Variants in CCDC60 observed in about 807,000 individuals in gnomAD.
CCDC60 encodes coiled-coil domain-containing protein 60.
A neutral mutation model predicts 63.5 loss-of-function variants in CCDC60; 54 were observed. The observed-to-expected ratio is 0.85, with a 90% CI of 0.68 to 1.07. The LOEUF is 1.07. CCDC60 is among the 50% of genes least tolerant of loss of function. The probability of loss-of-function intolerance (pLI) is 0.00; values close to 1 mark genes in which losing one functional copy is unlikely to be tolerated. For synonymous variants in CCDC60, 206 were observed against 238.8 expected, an observed-to-expected ratio of 0.86 and a Z score of 1.27; for missense variants, 651 against 684.3, an observed-to-expected ratio of 0.95 and a Z score of 0.54.
chr12:119,505,363 C>A (rs1951969919), intron 7 of CCDC60, 60 bp downstream of exon 7: 1 of 1,141,084 alleles, frequency 8.8e-7, no homozygotes. Flanking sequence ...AGCCAGACAT[C>A]AAGAAACCCT....
At chr12:119,386,925 C>T (rs572012881) in intron 1 of CCDC60, among the ~76,000 whole-genome samples, 1 of 152,090 alleles carries the variant, frequency 6.6e-6, no homozygotes, top group Admixed American at 6.6e-5. Flanking sequence ...GTGGATATTT[C>T]TATGGAGAAT....
intron 1 of CCDC60, among the ~76,000 whole-genome samples, chr12:119,367,617 G>T (rs1411836371): frequency 6.6e-6 from 1 of 152,150 alleles, no homozygotes; most frequent in East Asian, 1.9e-4. Context: ...TGACAGCTCT[G>T]CCCAAAAGTC....
At chr12:119,425,359 A>G (rs1956881919) in intron 1 of CCDC60, among the ~76,000 whole-genome samples, 2 of 152,224 alleles carry the variant, frequency 1.3e-5, no homozygotes, top group Non-Finnish European at 2.9e-5. Context: ...AAAATACACC[A>G]GAATGGGGGT....
intron 2 of CCDC60, among the ~76,000 whole-genome samples, chr12:119,430,228 G>A (rs1950204445): frequency 6.6e-6 from 1 of 151,528 alleles, no homozygotes; most frequent in Non-Finnish European, 1.5e-5. Flanking sequence ...ATATTAATAT[G>A]TTGAAACCCT....
intron 1 of CCDC60, among the ~76,000 whole-genome samples, chr12:119,339,896 T>C (rs1274792797): frequency 6.6e-6 from 1 of 152,150 alleles, no homozygotes; most frequent in African/African-American, 2.4e-5. Context: ...TCTCAGTAAA[T>C]CAACCAACCA....
intron 4 of CCDC60, among the ~76,000 whole-genome samples, chr12:119,482,987 AC>A (rs1363425249): frequency 7.9e-5 from 12 of 152,094 alleles, no homozygotes; most frequent in Non-Finnish European, 5.9e-5. Context: ...GATCCTAAGT[AC>A]CCAAAGCCCC....
At chr12:119,428,821 G>T in intron 2 of CCDC60, 59 bp downstream of exon 2, 1 of 1,146,220 alleles carries the variant, frequency 8.7e-7, no homozygotes, top group Non-Finnish European at 1.3e-6. Context: ...AGCAGGCTAT[G>T]GGGTGTTGCC....
At chr12:119,350,800 CATGAT>C (rs1326190390) in intron 1 of CCDC60, among the ~76,000 whole-genome samples, 1 of 152,204 alleles carries the variant, frequency 6.6e-6, no homozygotes, top group Non-Finnish European at 1.5e-5. Flanking sequence ...CATTCAGACT[CATGAT>C]ATTGGGGTGT....
At chr12:119,470,332 T>C (rs1951032329) in intron 2 of CCDC60, among the ~76,000 whole-genome samples, 1 of 152,046 alleles carries the variant, frequency 6.6e-6, no homozygotes, top group African/African-American at 2.4e-5. Context: ...CCTTGGGGGG[T>C]AAATGTTTTA....
chr12:119,501,197 T>C (rs894268051), intron 6 of CCDC60, among the ~76,000 whole-genome samples: 4 of 152,206 alleles, frequency 2.6e-5, no homozygotes, highest in Non-Finnish European at 5.9e-5. Context: ...CAAACACACT[T>C]TGAAAATGTG....
chr12:119,363,524 A>G (rs746253390), intron 1 of CCDC60, among the ~76,000 whole-genome samples: 18 of 152,160 alleles, frequency 1.2e-4, no homozygotes, highest in African/African-American at 2.4e-5. Flanking sequence ...AGTCAAATTT[A>G]TCCATTCTTT....
At chr12:119,497,323 T>C (rs1951735755) in intron 5 of CCDC60, among the ~76,000 whole-genome samples, 1 of 152,212 alleles carries the variant, frequency 6.6e-6, no homozygotes, top group South Asian at 2.1e-4. Context: ...TAGGTGGTTT[T>C]ATTTTTTTCT....
At chr12:119,452,851 C>T (rs1489111780) in intron 2 of CCDC60, among the ~76,000 whole-genome samples, 1 of 151,970 alleles carries the variant, frequency 6.6e-6, no homozygotes, top group Non-Finnish European at 1.5e-5. Flanking sequence ...TAGATGGACC[C>T]TCACTCTGTC....
intron 2 of CCDC60, among the ~76,000 whole-genome samples, chr12:119,443,484 C>T (rs934936767): frequency 1.3e-5 from 2 of 152,272 alleles, no homozygotes; most frequent in Non-Finnish European, 2.9e-5. Flanking sequence ...GGATGCTAGA[C>T]GGGAAATGGC....
intron 11 of CCDC60, among the ~76,000 whole-genome samples, chr12:119,524,707 T>G (rs1040735257): frequency 7.4e-6 from 1 of 135,166 alleles, no homozygotes; most frequent in East Asian, 2.1e-4. Context: ...CAGCAGTTTC[T>G]TTTCTTTTCT....
intron 2 of CCDC60, among the ~76,000 whole-genome samples, chr12:119,467,389 A>G (rs1048639936): frequency 6.6e-6 from 1 of 152,104 alleles, no homozygotes; most frequent in African/African-American, 2.4e-5. Flanking sequence ...ATCCTTACCC[A>G]CCTCCCAATA....
chr12:119,355,835 T>C (rs558736960), intron 1 of CCDC60, among the ~76,000 whole-genome samples: 1 of 152,332 alleles, frequency 6.6e-6, no homozygotes, highest in Admixed American at 6.5e-5. Context: ...GTTGTCGGGT[T>C]GTTGCCATGG....
chr12:119,517,712 T>C (rs886251726), intron 8 of CCDC60, among the ~76,000 whole-genome samples: 1 of 152,164 alleles, frequency 6.6e-6, no homozygotes, highest in Admixed American at 6.5e-5. Context: ...GGGATGAAAC[T>C]CAAGGATTCT....
chr12:119,388,696 T>C (rs1365001725), intron 1 of CCDC60, among the ~76,000 whole-genome samples: 2 of 152,248 alleles, frequency 1.3e-5, no homozygotes, highest in African/African-American at 4.8e-5. Context: ...ATCAAGACAT[T>C]TTAAAAGGTT....
Sources: allele counts gnomAD v4.1 joint callset (sites outside exome capture counted in the v4.1 genomes callset), GRCh38; gene constraint gnomAD v4.1.1; transcripts MANE v1.5; gene names NCBI Gene and HGNC (gene_info 2026-07-23, HGNC 2026-07-21).